BICC1: variants seen among roughly 807,000 people sequenced by gnomAD.
BICC1 encodes the protein protein bicaudal C homolog 1.
BICC1 carries 43 observed loss-of-function variants against 111.0 expected under a neutral mutation model. The observed-to-expected ratio is 0.39, with a 90% CI of 0.30 to 0.50. BICC1 has a LOEUF of 0.50. BICC1 is among the 20% of genes least tolerant of loss of function. The pLI is 0.88. For synonymous variants in BICC1, 467 were observed against 434.4 expected (o/e 1.07, Z -0.93); for missense variants, 1,091 against 1,203.2 (o/e 0.91, Z 1.38).
In BICC1 at chr10:58,613,889, C is replaced by T. The variant is rs73288200; in HGVS notation, c.191-6966C>T. ...CTTGCCTATTTTGATTCATTAGCAT[C>T]GAACCTAAGTCCTAAGTATTTGCAG... On this transcript the variant is annotated intron_variant, in intron 1 of 20. Transcript: ENST00000373886. 9.5e-3 allele frequency among the ~76,000 whole-genome samples: 1,443 copies of T among 152,184 alleles called. 22 individuals are homozygous for T. The highest frequency in any genetic ancestry group is 0.033 in the African/African-American group (1,377 of 41,516).
At chr10:58,665,334 T>G (rs535097359) in intron 2 of BICC1, among the ~76,000 whole-genome samples, 1 of 152,208 alleles carries the variant, frequency 6.6e-6, no homozygotes, top group Admixed American at 6.5e-5. Context: ...ATAAGTATTC[T>G]GTATAATATT....
At chr10:58,569,783 G>A (rs1016861131) in intron 1 of BICC1, among the ~76,000 whole-genome samples, 1 of 152,144 alleles carries the variant, frequency 6.6e-6, no homozygotes, top group African/African-American at 2.4e-5. Flanking sequence ...TCTTCATCCA[G>A]TCTGTCATTG....
chr10:58,802,249 G>A (rs1564622654), intron 14 of BICC1, among the ~76,000 whole-genome samples: 1 of 152,082 alleles, frequency 6.6e-6, no homozygotes, highest in Non-Finnish European at 1.5e-5. Context: ...AATGTCCTTT[G>A]TGTAGCCTCT....
At chr10:58,593,543 G>A (rs1844706270) in intron 1 of BICC1, among the ~76,000 whole-genome samples, 1 of 152,140 alleles carries the variant, frequency 6.6e-6, no homozygotes, top group Non-Finnish European at 1.5e-5. Context: ...CCAGAGGAAA[G>A]ATCAAGCAGC....
chr10:58,660,632 T>A (rs1374609426), intron 2 of BICC1, among the ~76,000 whole-genome samples: 1 of 152,204 alleles, frequency 6.6e-6, no homozygotes, highest in Non-Finnish European at 1.5e-5. Context: ...TAGTTAATTG[T>A]GCTGAACATA....
chr10:58,806,673 T>A, intron 16 of BICC1, 50 bp downstream of exon 16: 1 of 1,452,182 alleles, frequency 6.9e-7, no homozygotes, highest in Non-Finnish European at 9.6e-7. Flanking sequence ...AGTACACTCA[T>A]AAATGTTTTT....
In BICC1 at chr10:58,638,503, C is replaced by T. The variant is rs141178656; in HGVS notation, c.237+17602C>T. On this transcript the variant is annotated intron_variant, in intron 2 of 20. Coordinates refer to ENST00000373886, the MANE Select transcript of BICC1 (RefSeq NM_001080512.3). ...CCCTGTCTCAGGCTCCTTTCCCCAA[C>T]GCCTCTCCCCTTTTTGGTCTCAGTG... Among the ~76,000 whole-genome samples, 206 of 152,284 alleles carry T rather than the reference C, an allele frequency of 1.4e-3. 1 individual carries two copies. The highest frequency in any genetic ancestry group is 4.4e-3 in the African/African-American group (183 of 41,548).
intron 1 of BICC1, among the ~76,000 whole-genome samples, chr10:58,524,377 G>A (rs1309577739): frequency 6.6e-6 from 1 of 151,958 alleles, no homozygotes; most frequent in East Asian, 1.9e-4. Flanking sequence ...ACAGAACAGA[G>A]CCCTCAGAAA....
At chr10:58,721,806 A>C (rs1194929182) in intron 3 of BICC1, among the ~76,000 whole-genome samples, 1 of 152,144 alleles carries the variant, frequency 6.6e-6, no homozygotes, top group Non-Finnish European at 1.5e-5. Context: ...AGGTGGTTTA[A>C]GATTCTCAGG....
intron 18 of BICC1, among the ~76,000 whole-genome samples, chr10:58,816,292 C>A (rs1483013880): frequency 6.6e-6 from 1 of 152,108 alleles, no homozygotes; most frequent in Non-Finnish European, 1.5e-5. Flanking sequence ...CCTCCTCAAA[C>A]TGTTTTTATG....
intron 1 of BICC1, among the ~76,000 whole-genome samples, chr10:58,609,178 G>A (rs1169368219): frequency 6.6e-6 from 1 of 152,120 alleles, no homozygotes; most frequent in African/African-American, 2.4e-5. Context: ...TGGATATTAA[G>A]GAAATGATTA....
At chr10:58,784,444 C>T (rs1445930286) in intron 3 of BICC1, among the ~76,000 whole-genome samples, 3 of 152,092 alleles carry the variant, frequency 2.0e-5, no homozygotes, top group Non-Finnish European at 2.9e-5. Context: ...TTAGCCTTCA[C>T]TGTGGTGATG....
intron 1 of BICC1, among the ~76,000 whole-genome samples, chr10:58,526,567 A>G (rs1289184292): frequency 1.4e-5 from 2 of 145,682 alleles, no homozygotes; most frequent in Admixed American, 6.7e-5. Flanking sequence ...TCCTAATGCT[A>G]TCCCTCCCTG....
intron 2 of BICC1, among the ~76,000 whole-genome samples, chr10:58,627,595 G>A (rs965333378): frequency 1.3e-5 from 2 of 152,140 alleles, no homozygotes; most frequent in African/African-American, 4.8e-5. Context: ...AAACATTTTT[G>A]TGTGGGTCAG....
At chr10:58,781,018 A>C (rs1046328624) in intron 3 of BICC1, among the ~76,000 whole-genome samples, 3 of 152,094 alleles carry the variant, frequency 2.0e-5, no homozygotes, top group Admixed American at 2.0e-4. Flanking sequence ...TTCACATATA[A>C]AATACCCATT....
At chr10:58,807,230 C>A in intron 17 of BICC1, 72 bp downstream of exon 17, 1 of 1,436,878 alleles carries the variant, frequency 7.0e-7, no homozygotes, top group Non-Finnish European at 9.4e-7. Flanking sequence ...CTTCCCCCAC[C>A]CTCATTCTTT....
intron 3 of BICC1, among the ~76,000 whole-genome samples, chr10:58,756,882 G>T (rs1206605861): frequency 6.6e-6 from 1 of 152,122 alleles, no homozygotes; most frequent in Non-Finnish European, 1.5e-5. Context: ...GGACTTCGTA[G>T]ATTTAGATAA....
At chr10:58,761,275 G>T (rs552354806) in intron 3 of BICC1, among the ~76,000 whole-genome samples, 1 of 152,146 alleles carries the variant, frequency 6.6e-6, no homozygotes, top group Non-Finnish European at 1.5e-5. Flanking sequence ...AGCCGAGTGC[G>T]GCTGGAAAGA....
chr10:58,806,089 G>A (rs1287466268), intron 15 of BICC1, among the ~76,000 whole-genome samples: 1 of 152,196 alleles, frequency 6.6e-6, no homozygotes, highest in Non-Finnish European at 1.5e-5. Context: ...CAAAGACTAT[G>A]CCAGTTAGGT....
Sources: allele counts gnomAD v4.1 joint callset (sites outside exome capture counted in the v4.1 genomes callset), GRCh38; gene constraint gnomAD v4.1.1; transcripts MANE v1.5; gene names NCBI Gene and HGNC (gene_info 2026-07-23, HGNC 2026-07-21).